XKR6: variants seen among roughly 807,000 people sequenced by gnomAD.
XKR6 encodes the protein XK-related protein 6.
A neutral mutation model predicts 56.7 loss-of-function variants in XKR6; 22 were observed. The ratio of observed to expected loss-of-function variants is 0.39; its 90% CI spans 0.28 to 0.55. The LOEUF (loss-of-function observed/expected upper bound fraction) is 0.55, where lower values mean the gene tolerates loss of function less well. Ranked by LOEUF, XKR6 falls within the 20% of genes least tolerant of loss-of-function variation. XKR6 has a pLI of 0.66. For missense variants in XKR6, 852 were observed against 889.0 expected (o/e 0.96, Z 0.53); for synonymous variants, 524 against 387.8 (o/e 1.35, Z -4.13).
At chr8:11,109,615 G>C (rs948631291) in intron 1 of XKR6, 1 of 152,176 alleles carries the variant, frequency 6.6e-6, no homozygotes, top group Non-Finnish European at 1.5e-5. Context: ...CTCTGGGCGA[G>C]TTTATCCCCC....
intron 1 of XKR6, among the ~76,000 whole-genome samples, chr8:11,126,266 C>G (rs1239943013): frequency 1.3e-5 from 2 of 152,034 alleles, no homozygotes; most frequent in African/African-American, 4.8e-5. Flanking sequence ...ACGGGGTTCA[C>G]TATATTGGTC....
chr8:11,146,909 G>A (rs752638898), intron 1 of XKR6, among the ~76,000 whole-genome samples: 3 of 151,904 alleles, frequency 2.0e-5, no homozygotes, highest in Non-Finnish European at 4.4e-5. Context: ...CTTATATGTG[G>A]AATCTAAAAT....
intron 1 of XKR6, among the ~76,000 whole-genome samples, chr8:11,099,919 G>A (rs1798405107): frequency 6.6e-6 from 1 of 152,230 alleles, no homozygotes; most frequent in Non-Finnish European, 1.5e-5. Context: ...AGCACATGGG[G>A]AGGAGCATCC....
At chr8:11,100,503 T>C (rs763868748) in intron 1 of XKR6, among the ~76,000 whole-genome samples, 36 of 152,254 alleles carry the variant, frequency 2.4e-4, no homozygotes, top group South Asian at 1.2e-3. Flanking sequence ...TGAGATCTTA[T>C]GACCACGAAG....
chr8:10,905,764 G>C (rs1800171939), intron 2 of XKR6, among the ~76,000 whole-genome samples: 1 of 152,006 alleles, frequency 6.6e-6, no homozygotes, highest in Admixed American at 6.6e-5. Context: ...AGTCCTTTTA[G>C]ACAGCAATTC....
chr8:11,062,861 T>G (rs1266125876), intron 1 of XKR6: 2 of 456,070 alleles, frequency 4.4e-6, no homozygotes, highest in East Asian at 1.4e-4. Context: ...CAATGGGAGG[T>G]GAGTGGAAGT....
intron 1 of XKR6, chr8:11,108,143 T>C (rs939902789): frequency 2.7e-5 from 10 of 371,004 alleles, no homozygotes; most frequent in African/African-American, 1.1e-4. Flanking sequence ...TTGAAACACA[T>C]TTCTAATCAG....
Position 10,897,648 on chromosome 8 carries a change from T to C in XKR6, c.*304A>G, listed in dbSNP as rs1586277865. ...TCCTCCTTCTCCACCCTATGAACCATAGCGTGGGATTTTTCAATACTGTTT... is the reference window on the plus strand; with the variant it reads ...TCCTCCTTCTCCACCCTATGAACCACAGCGTGGGATTTTTCAATACTGTTT... On this transcript the variant is annotated 3_prime_UTR_variant, in exon 3 of 3. Transcript: ENST00000416569. The C allele has an allele frequency of 1.2e-5, 3 of 253,566 alleles. No homozygotes were observed. The East Asian group carries it at 2.2e-4, about 19-fold the overall frequency. 15.7% of individuals were successfully genotyped at this position (253,566 alleles called of 1,614,324 possible).
chr8:11,157,424 T>C lies in XKR6; in HGVS notation c.764+43152A>G, dbSNP rs552993240. Among the ~76,000 whole-genome samples the C allele has an allele frequency of 3.4e-4, 52 of 152,274 alleles. No individual in the cohort carries two copies. The South Asian group carries it at 8.7e-3, about 26-fold the overall frequency. On this transcript the variant is annotated intron_variant, in intron 1 of 2. Transcript: ENST00000416569. ...AAGCTGATGAGGTGTATATGGATAC[T>C]CTGTGCTATCTTTAAGCTTTTCTGT...
At chr8:10,910,446 G>C (rs925461216) in intron 2 of XKR6, among the ~76,000 whole-genome samples, 1 of 152,162 alleles carries the variant, frequency 6.6e-6, no homozygotes, top group African/African-American at 2.4e-5. Flanking sequence ...CTCTGATAAA[G>C]AGTGGATGAC....
chr8:10,988,535 C>T (rs11250103), intron 1 of XKR6, among the ~76,000 whole-genome samples: 1 of 151,978 alleles, frequency 6.6e-6, no homozygotes, highest in African/African-American at 2.4e-5. Context: ...ATCAGAAAGG[C>T]AAGGAATGCT....
chr8:11,093,011 C>G (rs1057384409), intron 1 of XKR6, among the ~76,000 whole-genome samples: 13 of 151,760 alleles, frequency 8.6e-5, no homozygotes, highest in Admixed American at 8.5e-4. Flanking sequence ...GCTTGCTTTT[C>G]TTTCTCTTTT....
intron 1 of XKR6, chr8:11,002,406 TG>T: frequency 7.6e-6 from 3 of 396,010 alleles, no homozygotes; most frequent in Non-Finnish European, 5.4e-6. Flanking sequence ...TCTGTTGGCC[TG>T]GGGGAGGCCC....
chr8:11,082,026 G>T (rs577638083), intron 1 of XKR6, among the ~76,000 whole-genome samples: 16 of 152,196 alleles, frequency 1.1e-4, no homozygotes, highest in Non-Finnish European at 2.1e-4. Context: ...ATGCCCAAGG[G>T]TGCCAGTTGG....
rs1226087628 is a variant in XKR6, at chr8:10,896,326, C to T, written c.*1626G>A. 1 of 152,538 alleles carries T rather than the reference C, an allele frequency of 6.6e-6. No homozygotes were observed. The highest frequency in any genetic ancestry group is 1.5e-5 in the Non-Finnish European group (1 of 68,024). The allele number at this position is 152,538 out of a possible 1,614,324, so 9.4% of individuals were successfully genotyped here. Reference sequence around the variant, plus strand: ...AATAAACAGTGGAATCAAATCCTCACCCAAATGGCATGGCCTCTAAGGCCT... The same window carrying T: ...AATAAACAGTGGAATCAAATCCTCATCCAAATGGCATGGCCTCTAAGGCCT... On this transcript the variant is annotated 3_prime_UTR_variant, in exon 3 of 3. Transcript: ENST00000416569.
At chr8:10,972,934 G>C (rs1223885733) in intron 1 of XKR6, among the ~76,000 whole-genome samples, 2 of 152,198 alleles carry the variant, frequency 1.3e-5, no homozygotes, top group African/African-American at 4.8e-5. Flanking sequence ...CCTGTGCACA[G>C]GTTGTAAGGG....
At chr8:10,911,199 C>CGTGCGT (rs1800348228) in intron 2 of XKR6, among the ~76,000 whole-genome samples, 2 of 126,286 alleles carry the variant, frequency 1.6e-5, no homozygotes, top group African/African-American at 6.0e-5. Flanking sequence ...AGAGGGTGTG[C>CGTGCGT]GTGTGTGTGT....
At chr8:11,146,279 C>T (rs1586613007) in intron 1 of XKR6, among the ~76,000 whole-genome samples, 1 of 152,026 alleles carries the variant, frequency 6.6e-6, no homozygotes, top group Non-Finnish European at 1.5e-5. Flanking sequence ...ATCTTTGTGC[C>T]CTTGGGCTTG....
At chr8:10,909,315 G>A (rs529448354) in intron 2 of XKR6, among the ~76,000 whole-genome samples, 22 of 152,148 alleles carry the variant, frequency 1.4e-4, no homozygotes, top group African/African-American at 5.3e-4. Flanking sequence ...AGCCAAATAC[G>A]CTTCTATTCT....
Sources: gnomAD v4.1 joint callset for allele counts (sites outside exome capture counted in the v4.1 genomes callset) on GRCh38, gnomAD v4.1.1 for gene constraint, MANE v1.5 for transcripts, NCBI Gene and HGNC (gene_info 2026-07-23, HGNC 2026-07-21) for gene names.